BTAF1: variants seen among roughly 807,000 people sequenced by gnomAD.
The protein encoded by BTAF1 is B-TFIID TATA-box binding protein associated factor 1, also known as TATA-binding protein-associated factor 172.
A neutral mutation model predicts 227.1 loss-of-function variants in BTAF1; 38 were observed. The observed-to-expected ratio is 0.17, with a 90% CI of 0.13 to 0.22. The LOEUF is 0.22. BTAF1 is among the 10% of genes least tolerant of loss of function. BTAF1 has a pLI of 1.00. For missense variants in BTAF1, 1,598 were observed against 2,204.0 expected (o/e 0.73, Z 5.51); for synonymous variants, 742 against 751.9 (o/e 0.99, Z 0.21).
intron 17 of BTAF1, 104 bp from the exon 18 acceptor site, chr10:91,982,483 A>T: frequency 7.3e-7 from 1 of 1,379,104 alleles, no homozygotes; most frequent in Non-Finnish European, 9.7e-7. Flanking sequence ...AAAAAGCCAA[A>T]TTTTGCTTCA....
chr10:91,988,323 C>G (rs763031541), intron 19 of BTAF1, among the ~76,000 whole-genome samples: 1 of 152,126 alleles, frequency 6.6e-6, no homozygotes. Context: ...CCTCAGTTGT[C>G]TACAGTCATT....
chr10:91,936,635 G>A (rs1164378268), intron 2 of BTAF1, among the ~76,000 whole-genome samples: 1 of 152,268 alleles, frequency 6.6e-6, no homozygotes, highest in East Asian at 1.9e-4. Flanking sequence ...TTTCTAACTA[G>A]GATGTAGATG....
chr10:91,961,448 GT>G lies in BTAF1; in HGVS notation c.1264-1089del, dbSNP rs1846502294. 3.5e-5 allele frequency among the ~76,000 whole-genome samples: 3 copies of G among 84,786 alleles called. No homozygotes were observed. The South Asian group carries it at 2.1e-3, about 58-fold the overall frequency. The allele number at this position is 84,786 out of a possible 152,430, so 55.6% of individuals were successfully genotyped here. ...AGGCCTTTTGAAGTTTTCTAAGATT[GT>G]CTTTTTTTTTTTTTCCCTTCTTTAA... On this transcript the variant is annotated intron_variant, in intron 11 of 37. Coordinates refer to ENST00000265990, the MANE Select transcript of BTAF1 (RefSeq NM_003972.3).
intron 37 of BTAF1, 78 bp from the exon 38 acceptor site, chr10:92,028,712 T>G: frequency 3.7e-6 from 5 of 1,361,822 alleles, no homozygotes; most frequent in Non-Finnish European, 5.0e-6. Context: ...TAGAAACAAG[T>G]GTGATTTTAA....
At position 92,008,240 on chromosome 10, in the gene BTAF1, G is replaced by T. The variant is rs763451266; in HGVS notation, c.3778G>T (p.Val1260Leu). The change falls in exon 26 of 38, where the codon GTA becomes TTA. Residue 1260 changes from valine (V) to leucine (L), a missense_variant. Val to Leu is a conservative substitution (Grantham distance 32). Transcript: ENST00000265990. ...AAAATTGGAAAATTATAAAATTCCA[G>T]TACCAATCAATGCTGAACTCAGAAA... ...GKKLENYKIP[V>L]PINAELRKYQ... The T allele has an allele frequency of 1.3e-6, 2 of 1,593,524 alleles. No homozygotes were observed. Among genetic ancestry groups the T allele is most frequent in the Admixed American group, 1.9e-5 (1 of 52,506 alleles).
chr10:92,019,048 G>T, intron 34 of BTAF1, 113 bp downstream of exon 34: 2 of 1,161,710 alleles, frequency 1.7e-6, no homozygotes, highest in Non-Finnish European at 2.3e-6. Context: ...TTTTAAATTT[G>T]GTTAAATTTT....
intron 14 of BTAF1, among the ~76,000 whole-genome samples, chr10:91,968,575 A>G (rs1051049116): frequency 2.0e-5 from 3 of 152,174 alleles, no homozygotes; most frequent in African/African-American, 7.2e-5. Context: ...GTATCTGCTG[A>G]ATTGTATGGT....
chr10:91,972,281 A>G (rs1159924872), intron 14 of BTAF1, among the ~76,000 whole-genome samples: 2 of 152,100 alleles, frequency 1.3e-5, no homozygotes. Context: ...AGTCAAGAAC[A>G]TTTTCTAAAT....
At chr10:91,957,096 T>C in intron 7 of BTAF1, 129 bp from the exon 8 acceptor site, 1 of 579,214 alleles carries the variant, frequency 1.7e-6, no homozygotes, top group African/African-American at 1.9e-5. Flanking sequence ...CTTAATTAGT[T>C]AAAAAAATTA....
Position 92,013,178 on chromosome 10 carries a change from C to CT in BTAF1, c.4312-482dup, listed in dbSNP as rs1167089092. On this transcript the variant is annotated intron_variant, in intron 30 of 37. Transcript: ENST00000265990. ...AATGAAAAAGTGCTGGTTTCTTTTT[C>CT]TTTTTTTCCATGAAACTTCGATGGT... Among the ~76,000 whole-genome samples the CT allele has an allele frequency of 2.0e-5, 3 of 152,236 alleles. No homozygotes were observed. In the South Asian group the frequency reaches 6.2e-4, roughly 32 times the overall value.
chr10:92,013,638 C>G (rs1272653858), intron 30 of BTAF1, 29 bp from the exon 31 acceptor site: 1 of 1,613,712 alleles, frequency 6.2e-7, no homozygotes. Context: ...AATCCCAGTA[C>G]AAAAGATAAT....
chr10:91,962,836 C>G (rs1199699341), intron 12 of BTAF1, among the ~76,000 whole-genome samples, 158 bp downstream of exon 12: 2 of 151,256 alleles, frequency 1.3e-5, no homozygotes, highest in Non-Finnish European at 2.9e-5. Flanking sequence ...ATATATTGTA[C>G]TTTGGAAGAG....
chr10:91,945,178 T>C (rs1845280483), intron 4 of BTAF1, among the ~76,000 whole-genome samples: 1 of 152,160 alleles, frequency 6.6e-6, no homozygotes, highest in Admixed American at 6.5e-5. Flanking sequence ...GTGGTGGTTT[T>C]TTTTTTACCT....
intron 25 of BTAF1, among the ~76,000 whole-genome samples, chr10:92,006,185 G>C (rs1274811699): frequency 6.6e-6 from 1 of 152,182 alleles, no homozygotes; most frequent in African/African-American, 2.4e-5. Flanking sequence ...TGGCCATTCA[G>C]TCTGTTGCAA....
intron 20 of BTAF1, among the ~76,000 whole-genome samples, chr10:91,991,475 G>A (rs1848751137): frequency 6.7e-6 from 1 of 150,244 alleles, no homozygotes; most frequent in African/African-American, 2.4e-5. Flanking sequence ...AATAGGCTGG[G>A]CATGGTGGCT....
At chr10:91,949,439 T>G (rs912980246) in intron 4 of BTAF1, among the ~76,000 whole-genome samples, 11 of 152,362 alleles carry the variant, frequency 7.2e-5, no homozygotes, top group African/African-American at 2.6e-4. Flanking sequence ...CTTTTAATTT[T>G]GTCAGTTATT....
chr10:91,966,692 A>T lies in BTAF1; in HGVS notation c.1585A>T (p.Thr529Ser), dbSNP rs554284350. 3 of 1,613,938 alleles carry T rather than the reference A, an allele frequency of 1.9e-6. No homozygotes were observed. The African/African-American group carries it at 4.0e-5, about 22-fold the overall frequency. Residue 529 changes from threonine (T) to serine (S), a missense_variant, in exon 14 of 38, where the codon ACT (threonine) becomes TCT (serine). Transcript: ENST00000265990. The stretch of plus-strand genomic sequence containing the variant: ...ACGTGTCTGGCCTTTTTTGCATCAC[A>T]CTATATCATCAGTTCGAAGAGCAGC... ...VPRVWPFLHH[T>S]ISSVRRAALE...
chr10:91,944,426 C>T (rs12780724), intron 4 of BTAF1, among the ~76,000 whole-genome samples: 45,877 of 151,946 alleles, frequency 0.3, 8,492 homozygotes, highest in South Asian at 0.52. Flanking sequence ...AATAGGGCTT[C>T]GCCTGGAATG....
intron 25 of BTAF1, among the ~76,000 whole-genome samples, chr10:92,000,291 CTTTCTTAGCTTTGG>C (rs886728297): frequency 7.2e-5 from 11 of 152,260 alleles, no homozygotes; most frequent in Non-Finnish European, 1.5e-4. Flanking sequence ...CTCCTTGGCC[CTTTCTTAGCTTTGG>C]AATAAGTGAG....
Sources: gnomAD v4.1 joint callset for allele counts (sites outside exome capture counted in the v4.1 genomes callset) on GRCh38, gnomAD v4.1.1 for gene constraint, MANE v1.5 for transcripts, NCBI Gene and HGNC (gene_info 2026-07-23, HGNC 2026-07-21) for gene names.